Variants in FHIP1A observed in about 807,000 individuals in gnomAD.
FHIP1A encodes FHF complex subunit HOOK interacting protein 1A, also known as FHF complex subunit HOOK-interacting protein 1A.
FHIP1A carries 61 observed loss-of-function variants against 88.6 expected under a neutral mutation model. The ratio of observed to expected loss-of-function variants is 0.69; its 90% CI spans 0.56 to 0.85. The LOEUF is 0.85. Ranked by LOEUF, FHIP1A falls within the 40% of genes least tolerant of loss-of-function variation. The probability of loss-of-function intolerance (pLI) is 0.00; values close to 1 mark genes in which losing one functional copy is unlikely to be tolerated. For synonymous variants in FHIP1A, 478 were observed against 496.0 expected (o/e 0.96, Z 0.48); for missense variants, 1,154 against 1,273.5 (o/e 0.91, Z 1.43).
chr4:151,559,508 A>G (rs1733088159), intron 3 of FHIP1A, among the ~76,000 whole-genome samples: 1 of 152,172 alleles, frequency 6.6e-6, no homozygotes, highest in African/African-American at 2.4e-5. Flanking sequence ...ATATGGGCTA[A>G]TACATTGCTT....
rs962001578 is a variant in FHIP1A, at chr4:151,666,720, G to T, written c.*3966G>T. ...GTTTGAGGTTTAGGGTTGTGGATGG[G>T]CTGCTCTTCTGAATCTGGATCAGTG... On this transcript the variant is annotated 3_prime_UTR_variant, in exon 14 of 14. Coordinates refer to ENST00000435205, the MANE Select transcript of FHIP1A (RefSeq NM_001109977.3). Among the ~76,000 whole-genome samples the T allele has an allele frequency of 6.6e-6, 1 of 152,200 alleles. No individual in the cohort carries two copies. Among genetic ancestry groups the T allele is most frequent in the African/African-American group, 2.4e-5 (1 of 41,458 alleles).
intron 7 of FHIP1A, among the ~76,000 whole-genome samples, chr4:151,609,801 G>T: frequency 6.6e-6 from 1 of 151,988 alleles, no homozygotes. Context: ...TTGGCCGTAG[G>T]ATCTATATCA....
intron 3 of FHIP1A, among the ~76,000 whole-genome samples, chr4:151,561,379 C>A (rs2126763837): frequency 6.6e-6 from 1 of 152,238 alleles, no homozygotes; most frequent in Non-Finnish European, 1.5e-5. Flanking sequence ...TTTTCGCAGT[C>A]CAGCATTGCC....
intron 7 of FHIP1A, among the ~76,000 whole-genome samples, chr4:151,591,781 A>G (rs1156407876): frequency 1.3e-5 from 2 of 152,130 alleles, no homozygotes; most frequent in African/African-American, 4.8e-5. Flanking sequence ...GAATGAACTC[A>G]TCCTTTTTTA....
intron 2 of FHIP1A, among the ~76,000 whole-genome samples, chr4:151,460,924 A>G (rs190588675): frequency 2.0e-5 from 3 of 152,332 alleles, no homozygotes; most frequent in South Asian, 2.1e-4. Flanking sequence ...GTGTGGTTGT[A>G]TGGCAATGGA....
intron 7 of FHIP1A, among the ~76,000 whole-genome samples, chr4:151,605,173 ATAAG>A (rs1387317137): frequency 1.3e-5 from 2 of 152,192 alleles, no homozygotes; most frequent in African/African-American, 4.8e-5. Context: ...AAAAGGTTGT[ATAAG>A]TAGCACCTCA....
chr4:151,500,824 A>G (rs1286903602), intron 3 of FHIP1A, among the ~76,000 whole-genome samples: 1 of 152,240 alleles, frequency 6.6e-6, no homozygotes, highest in Non-Finnish European at 1.5e-5. Flanking sequence ...AGAAAGATAC[A>G]TGAAATTGTT....
rs1361960796 is a variant in FHIP1A at position 151,667,014 on chromosome 4, A to G, written c.*4260A>G. ...TGTAATTGCTAATTACCAGCCCTGT[A>G]TTTACTGAAATGGCTGTCTGTCATG... On this transcript the variant is annotated 3_prime_UTR_variant, in exon 14 of 14. Coordinates refer to ENST00000435205, the MANE Select transcript of FHIP1A (RefSeq NM_001109977.3). Among the ~76,000 whole-genome samples, 1 of 152,150 alleles carries G rather than the reference A, an allele frequency of 6.6e-6. No individual in the cohort carries two copies. Among genetic ancestry groups the G allele is most frequent in the Non-Finnish European group, 1.5e-5 (1 of 68,044 alleles).
intron 2 of FHIP1A, among the ~76,000 whole-genome samples, chr4:151,477,820 A>C (rs1389930034): frequency 3.9e-5 from 6 of 152,300 alleles, no homozygotes; most frequent in African/African-American, 1.4e-4. Context: ...CAAAGATTAC[A>C]AAGTCTTATA....
intron 3 of FHIP1A, among the ~76,000 whole-genome samples, chr4:151,558,645 A>G (rs533735544): frequency 5.9e-5 from 9 of 152,220 alleles, no homozygotes; most frequent in Non-Finnish European, 1.2e-4. Flanking sequence ...TTTTCTGGAT[A>G]TGAGAAATCT....
intron 7 of FHIP1A, among the ~76,000 whole-genome samples, chr4:151,598,404 A>G (rs1470057484): frequency 1.3e-5 from 2 of 152,158 alleles, no homozygotes; most frequent in Admixed American, 1.3e-4. Flanking sequence ...GGGTGCCTCA[A>G]TGGGAAATGC....
chr4:151,553,870 G>A (rs1055899526), intron 3 of FHIP1A, among the ~76,000 whole-genome samples: 1 of 152,210 alleles, frequency 6.6e-6, no homozygotes, highest in African/African-American at 2.4e-5. Context: ...TTTCATTAGA[G>A]ACTGAACTGC....
chr4:151,586,769 C>G lies in FHIP1A; in HGVS notation c.861C>G (p.Asn287Lys). Residue 287 changes from asparagine (N) to lysine (K), a missense_variant, in exon 6 of 14, where the codon AAC (asparagine) becomes AAG (lysine). Coordinates refer to ENST00000435205, the MANE Select transcript of FHIP1A (RefSeq NM_001109977.3). ...LLLPSLVQFM[N>K]SLEFCNAVIQ... ...TTCCTTCTCTTGTCCAGTTCATGAA[C>G]TCCCTGGAGTTTTGCAATGCAGTCA... The G allele has an allele frequency of 6.4e-7, 1 of 1,551,034 alleles. No individual in the cohort carries two copies. The highest frequency in any genetic ancestry group is 8.7e-7 in the Non-Finnish European group (1 of 1,146,494).
intron 1 of FHIP1A, among the ~76,000 whole-genome samples, chr4:151,428,404 A>G (rs962357432): frequency 3.9e-5 from 6 of 152,140 alleles, no homozygotes; most frequent in Admixed American, 2.6e-4. Context: ...AACTGATTTT[A>G]TATCCTTAAT....
chr4:151,624,006 C>T (rs947773693), intron 7 of FHIP1A, among the ~76,000 whole-genome samples: 2 of 152,118 alleles, frequency 1.3e-5, no homozygotes, highest in Non-Finnish European at 2.9e-5. Flanking sequence ...TCTTTCTGTC[C>T]CCAGCACCCA....
At chr4:151,545,180 C>G (rs1288007520) in intron 3 of FHIP1A, among the ~76,000 whole-genome samples, 1 of 152,132 alleles carries the variant, frequency 6.6e-6, no homozygotes, top group Non-Finnish European at 1.5e-5. Flanking sequence ...AATATTTCTA[C>G]ATATTGATAA....
intron 3 of FHIP1A, among the ~76,000 whole-genome samples, chr4:151,502,459 A>G (rs986458041): frequency 1.3e-5 from 2 of 152,248 alleles, no homozygotes; most frequent in Non-Finnish European, 2.9e-5. Flanking sequence ...GCTGAAAGAT[A>G]CAAGAACTGA....
intron 7 of FHIP1A, among the ~76,000 whole-genome samples, chr4:151,613,571 CA>C (rs1290205889): frequency 2.0e-5 from 3 of 151,992 alleles, no homozygotes; most frequent in Non-Finnish European, 4.4e-5. Context: ...TACTGCTCAG[CA>C]AAAAACTAGG....
intron 3 of FHIP1A, among the ~76,000 whole-genome samples, chr4:151,511,984 T>C (rs1424249339): frequency 1.3e-5 from 2 of 152,218 alleles, no homozygotes; most frequent in East Asian, 3.9e-4. Flanking sequence ...GACTGCCTCC[T>C]CAAGTGGGTC....
Sources: allele counts gnomAD v4.1 joint callset (sites outside exome capture counted in the v4.1 genomes callset), GRCh38; gene constraint gnomAD v4.1.1; transcripts MANE v1.5; gene names NCBI Gene and HGNC (gene_info 2026-07-23, HGNC 2026-07-21).